Variants in ARHGEF10L observed in about 807,000 individuals in gnomAD.
The protein encoded by ARHGEF10L is rho guanine nucleotide exchange factor 10-like protein.
ARHGEF10L carries 69 observed loss-of-function variants against 141.2 expected under a neutral mutation model. The ratio of observed to expected loss-of-function variants is 0.49; its 90% CI spans 0.40 to 0.60. The LOEUF (loss-of-function observed/expected upper bound fraction) is 0.60, where lower values mean the gene tolerates loss of function less well. Among genes scored for constraint, ARHGEF10L ranks in the 20% least tolerant of loss-of-function variants. The pLI is 0.00. For missense variants in ARHGEF10L, 1,482 were observed against 1,734.3 expected (o/e 0.85, Z 2.58); for synonymous variants, 711 against 718.5 (o/e 0.99, Z 0.17).
In ARHGEF10L at chr1:17,627,187, A is replaced by G; in HGVS notation, c.1411-143A>G. On this transcript the variant is annotated intron_variant, in intron 14 of 28. Coordinates refer to ENST00000361221, the MANE Select transcript of ARHGEF10L (RefSeq NM_018125.4). This position sits in a 1 kb window ranked among gnomAD's most constrained non-coding sequence, Gnocchi z 4.0. ...GCTGTTTCTTGAGGTCTTGTTCTGC[A>G]TCTGGTGCCATCTGTCCTGGCCTCA... is the stretch of plus-strand genomic sequence containing the variant. The G allele has an allele frequency of 2.3e-6, 2 of 856,644 alleles. No homozygotes were observed. The highest frequency in any genetic ancestry group is 3.6e-6 in the Non-Finnish European group (2 of 555,050). 53.1% of individuals were successfully genotyped at this position (856,644 alleles called of 1,614,324 possible).
chr1:17,646,008 T>A (rs2061576581), intron 21 of ARHGEF10L, among the ~76,000 whole-genome samples: 3 of 152,180 alleles, frequency 2.0e-5, no homozygotes, highest in Admixed American at 2.0e-4. Context: ...AGGTCTTACA[T>A]GACTCTGTTT....
At chr1:17,536,311 C>T (rs1364122376), upstream of ARHGEF10L, among the ~76,000 whole-genome samples, 1 of 152,150 alleles carries the variant, frequency 6.6e-6, no homozygotes, top group East Asian at 1.9e-4. Flanking sequence ...GAAACCCCAT[C>T]TCTACAAAAA....
intron 28 of ARHGEF10L, among the ~76,000 whole-genome samples, chr1:17,695,634 G>T (rs1196218183): frequency 6.6e-6 from 1 of 152,208 alleles, no homozygotes; most frequent in Non-Finnish European, 1.5e-5. Context: ...TGCTTCTGGG[G>T]CCAGGCCCGG....
At chr1:17,646,684 G>A (rs34375977) in intron 21 of ARHGEF10L, among the ~76,000 whole-genome samples, 17,065 of 152,122 alleles carry the variant, frequency 0.11, 1,217 homozygotes, top group Non-Finnish European at 0.15. Flanking sequence ...GAGACGACAG[G>A]TGGTGGAGGC....
the ARHGEF10L span, among the ~76,000 whole-genome samples, chr1:17,513,485 T>C: frequency 1.3e-4 from 20 of 152,286 alleles, no homozygotes; most frequent in Admixed American, 3.9e-4. Context: ...TGTTTGGAAT[T>C]AGCAAGAAAT....
At chr1:17,563,969 C>T (rs2100227346) in intron 1 of ARHGEF10L, among the ~76,000 whole-genome samples, 3 of 152,350 alleles carry the variant, frequency 2.0e-5, no homozygotes, top group Admixed American at 2.0e-4. Context: ...ATGGCTCCTG[C>T]CACTAACTCC....
intron 12 of ARHGEF10L, 64 bp from the exon 13 acceptor site, chr1:17,624,323 G>T: frequency 1.5e-6 from 2 of 1,358,268 alleles, no homozygotes; most frequent in Non-Finnish European, 2.1e-6. Flanking sequence ...GCCCACACCT[G>T]CCTCGTTTCC....
intron 1 of ARHGEF10L, among the ~76,000 whole-genome samples, chr1:17,549,021 T>G (rs2077016334): frequency 6.6e-6 from 1 of 151,532 alleles, no homozygotes; most frequent in African/African-American, 2.4e-5. Flanking sequence ...CCTGGTGGTT[T>G]TGTTTTTGTT....
rs575354107 is a variant in ARHGEF10L, at chr1:17,568,106, A to G, written c.-43-12447A>G. On this transcript the variant is annotated intron_variant, in intron 1 of 28. Transcript: ENST00000361221. ...CCTTGCCTTCACCATCCAGGCAGGC[A>G]GTGCCTTCCTGGAGGGCAGTGACGG... Among the ~76,000 whole-genome samples the G allele has an allele frequency of 1.7e-4, 26 of 152,290 alleles. No homozygotes were observed. In the Middle Eastern group the frequency reaches 0.01, roughly 60 times the overall value.
intron 15 of ARHGEF10L, among the ~76,000 whole-genome samples, chr1:17,628,737 G>A (rs2060515766): frequency 6.6e-6 from 1 of 152,236 alleles, no homozygotes; most frequent in Non-Finnish European, 1.5e-5. Flanking sequence ...CAGGAGGGAG[G>A]TTTCAGCAGC....
rs2062219433 is a variant in ARHGEF10L, at chr1:17,655,975, C to T, written c.2578C>T (p.Pro860Ser). Residue 860 changes from proline (P) to serine (S), a missense_variant, in exon 24 of 29, where the codon CCT becomes TCT. Physicochemically the swap from Pro to Ser is moderately conservative, Grantham distance 74. Around this residue, in one of 3 missense-constraint regions of ARHGEF10L, gnomAD observed 858 missense variants for 966.3 expected, o/e 0.89. Transcript: ENST00000361221. ...RTVKSFPLAA[P>S]VLCMEYIPEL... is the part of the protein sequence containing the mutation. ...CGTCAAGTCCTTCCCACTGGCAGCC[C>T]CTGTGCTCTGCATGGAGTATATCCC... The T allele has an allele frequency of 1.3e-6, 2 of 1,565,884 alleles. No individual in the cohort carries two copies. The highest frequency in any genetic ancestry group is 1.7e-6 in the Non-Finnish European group (2 of 1,154,522).
At position 17,577,888 on chromosome 1, in the gene ARHGEF10L, G is replaced by A. The variant is rs368167443; in HGVS notation, c.-43-2665G>A. On this transcript the variant is annotated intron_variant, in intron 1 of 28. Transcript: ENST00000361221. The stretch of plus-strand genomic sequence containing the variant: ...TAGAATAATGCTAATAAAGTGTCAG[G>A]CTCCATACATGTTGGTGTCTCTCTT... Among the ~76,000 whole-genome samples, 10 of 152,288 alleles carry A rather than the reference G, an allele frequency of 6.6e-5. No individual in the cohort carries two copies. The East Asian group carries it at 9.7e-4, about 15-fold the overall frequency.
intron 1 of ARHGEF10L, among the ~76,000 whole-genome samples, chr1:17,578,357 C>T (rs186824218): frequency 5.9e-5 from 9 of 152,288 alleles, no homozygotes; most frequent in South Asian, 2.1e-4. Flanking sequence ...CACAGTCACA[C>T]GCTTAGCAGA....
In ARHGEF10L at chr1:17,697,502, G is replaced by GC. The variant is rs3835471; in HGVS notation, c.*123dup. The stretch of plus-strand genomic sequence containing the variant: ...CCTGGACTCTCCAGAAACTACTTGG[G>GC]CAGAGCAAAGGAAAACCTCTTGTTT... On this transcript the variant is annotated 3_prime_UTR_variant, in exon 29 of 29. Transcript: ENST00000361221. The surrounding 1 kb of genome is among the most constrained non-coding windows in gnomAD (Gnocchi z 4.8). The GC allele has an allele frequency of 0.82, 1,077,958 of 1,318,108 alleles. 443,124 individuals are homozygous for GC. The highest frequency in any genetic ancestry group is 0.89 in the South Asian group (59,681 of 67,072). The allele number at this position is 1,318,108 out of a possible 1,614,324, so 81.7% of individuals were successfully genotyped here.
rs1296615255 is a variant in ARHGEF10L, at chr1:17,697,041, CAAG to C, written c.3505_3507del (p.Lys1169del). ...GCCACGTGGGCCGAGAGCTGACCCGCAAGAAGGGCATCCTCTTGCAGTACCGCC... is the reference window on the plus strand; with the variant it reads ...GCCACGTGGGCCGAGAGCTGACCCGCAAGGGCATCCTCTTGCAGTACCGCC... On this transcript the variant is annotated inframe_deletion, in exon 29 of 29. Transcript: ENST00000361221. This position sits in a 1 kb window ranked among gnomAD's most constrained non-coding sequence, Gnocchi z 4.8. 6.2e-7 allele frequency: 1 copy of C among 1,604,036 alleles called. No homozygotes were observed. The highest frequency in any genetic ancestry group is 2.2e-5 in the East Asian group (1 of 44,548).
intron 9 of ARHGEF10L, among the ~76,000 whole-genome samples, chr1:17,618,679 CCT>C (rs1223062547): frequency 6.6e-6 from 1 of 152,226 alleles, no homozygotes; most frequent in Admixed American, 6.5e-5. Context: ...TCTCCCGGCA[CCT>C]GTACCTTGCT....
Position 17,582,566 on chromosome 1 carries a change from A to G in ARHGEF10L, c.37+1934A>G, listed in dbSNP as rs561740153. On this transcript the variant is annotated intron_variant, in intron 2 of 28. Transcript: ENST00000361221. ...CGCGTGTCTTCAGCACCCCCGGGGC[A>G]CTTGGTGTTTGTTCTCTGTCTTTGC... 4.3e-4 allele frequency among the ~76,000 whole-genome samples: 66 copies of G among 152,288 alleles called. 1 individual carries two copies. The Middle Eastern group carries it at 0.014, about 31-fold the overall frequency.
In ARHGEF10L at chr1:17,626,060, G is replaced by T; in HGVS notation, c.1410+12G>T. On this transcript the variant is annotated intron_variant, in intron 14 of 28. Coordinates refer to ENST00000361221, the MANE Select transcript of ARHGEF10L (RefSeq NM_018125.4). Reference sequence around the variant, plus strand: ...TACTCCTGCTTCAGGTACTGCTCAGGATTCCAGCAGCTTCAACCCACAGGG... The same window carrying T: ...TACTCCTGCTTCAGGTACTGCTCAGTATTCCAGCAGCTTCAACCCACAGGG... 1 of 1,613,180 alleles carries T rather than the reference G, an allele frequency of 6.2e-7. No individual in the cohort carries two copies. Among genetic ancestry groups the T allele is most frequent in the Non-Finnish European group, 8.5e-7 (1 of 1,179,214 alleles).
chr1:17,664,618 G>A, intron 26 of ARHGEF10L, 23 bp downstream of exon 26: 2 of 1,509,062 alleles, frequency 1.3e-6, no homozygotes, highest in Non-Finnish European at 1.8e-6. Context: ...CCTTTGGCTT[G>A]TGGCCCTGGA....
Sources: gnomAD v4.1 joint callset for allele counts (sites outside exome capture counted in the v4.1 genomes callset) on GRCh38, gnomAD v4.1.1 for gene constraint, gnomAD v4.1.1 regional missense constraint, Gnocchi (gnomAD v3.1) non-coding constraint, MANE v1.5 for transcripts, NCBI Gene and HGNC (gene_info 2026-07-23, HGNC 2026-07-21) for gene names.